The following PLXNA4 variants were observed in gnomAD, a reference collection of about 807,000 sequenced individuals.
The protein encoded by PLXNA4 is plexin A4, also known as plexin-A4.
A neutral mutation model predicts 191.8 loss-of-function variants in PLXNA4; 44 were observed. That is an observed-to-expected ratio of 0.23 (90% confidence interval 0.18 to 0.29). PLXNA4 has a LOEUF of 0.29. PLXNA4 is among the 10% of genes least tolerant of loss of function. PLXNA4 has a pLI of 1.00. For missense variants in PLXNA4, 1,800 were observed against 2,488.8 expected (o/e 0.72, Z 5.89); for synonymous variants, 1,082 against 1,009.5 (o/e 1.07, Z -1.36).
chr7:132,408,539 C>A lies in PLXNA4; in HGVS notation c.1371+80753G>T, dbSNP rs540862938. 2.3e-4 allele frequency among the ~76,000 whole-genome samples: 35 copies of A among 152,156 alleles called. No homozygotes were observed. In the South Asian group the frequency reaches 6.9e-3, roughly 30 times the overall value. ...AGTGCAGTGGTGCAATCTTGGCTCA[C>A]TGCAAACTCTACCACCCGGGTTCAA... On this transcript the variant is annotated intron_variant, in intron 3 of 31. Transcript: ENST00000321063.
At chr7:132,345,039 G>A (rs180673168) in intron 3 of PLXNA4, among the ~76,000 whole-genome samples, 51 of 152,226 alleles carry the variant, frequency 3.4e-4, no homozygotes, top group African/African-American at 8.9e-4. Flanking sequence ...GGTAGATGTC[G>A]GTGAAATGAA....
At chr7:132,447,111 C>T (rs1795940662) in intron 3 of PLXNA4, among the ~76,000 whole-genome samples, 1 of 151,780 alleles carries the variant, frequency 6.6e-6, no homozygotes, top group South Asian at 2.1e-4. Context: ...TCTGGCCCCG[C>T]TCCACTGCCT....
intron 2 of PLXNA4, among the ~76,000 whole-genome samples, chr7:132,499,526 C>G (rs1798162417): frequency 6.6e-6 from 1 of 152,174 alleles, no homozygotes; most frequent in Admixed American, 6.5e-5. Flanking sequence ...TCCCATGCCA[C>G]CAGTCCATCA....
chr7:132,560,055 G>T (rs1800971002), intron 1 of PLXNA4, among the ~76,000 whole-genome samples: 1 of 152,156 alleles, frequency 6.6e-6, no homozygotes, highest in South Asian at 2.1e-4. Flanking sequence ...CTACCTGCAG[G>T]CTTTGATTGT....
At chr7:132,202,521 G>A (rs1797472344) in intron 12 of PLXNA4, 125 bp downstream of exon 12, 2 of 1,047,530 alleles carry the variant, frequency 1.9e-6, no homozygotes, top group South Asian at 3.1e-5. Flanking sequence ...CAGCCAGGCA[G>A]AGCAACCAAG....
At chr7:132,278,947 G>T (rs1312162877) in intron 4 of PLXNA4, among the ~76,000 whole-genome samples, 4 of 152,192 alleles carry the variant, frequency 2.6e-5, no homozygotes, top group African/African-American at 9.6e-5. Context: ...AGAGGCCACT[G>T]CAAAGGGAGG....
intron 25 of PLXNA4, 130 bp downstream of exon 25, chr7:132,159,343 G>C: frequency 6.9e-7 from 1 of 1,453,566 alleles, no homozygotes; most frequent in South Asian, 1.3e-5. Context: ...GTCCAGCCAT[G>C]CCTGACTCCC....
chr7:132,621,979 G>A (rs1803276603), intron 2 of PLXNA4, among the ~76,000 whole-genome samples: 1 of 152,026 alleles, frequency 6.6e-6, no homozygotes, highest in South Asian at 2.1e-4. Flanking sequence ...GTAGATAGTA[G>A]TAGCAGAGAC....
chr7:132,156,131 G>GACAT (rs1554374037), intron 25 of PLXNA4, among the ~76,000 whole-genome samples: 1 of 74,546 alleles, frequency 1.3e-5, no homozygotes, highest in Non-Finnish European at 2.5e-5. Flanking sequence ...TCTGTTTCTG[G>GACAT]ACATACACAC....
upstream of PLXNA4, among the ~76,000 whole-genome samples, chr7:132,578,446 C>T (rs1471563890): frequency 1.3e-5 from 2 of 152,214 alleles, no homozygotes; most frequent in Non-Finnish European, 2.9e-5. Context: ...CTGTCCCTCC[C>T]ATCGAAACAT....
chr7:132,412,848 G>A (rs184008889), intron 3 of PLXNA4, among the ~76,000 whole-genome samples: 21 of 152,230 alleles, frequency 1.4e-4, no homozygotes, highest in East Asian at 3.9e-4. Context: ...CTGGAGCACC[G>A]GGGAGGGACC....
intron 30 of PLXNA4, among the ~76,000 whole-genome samples, chr7:132,139,582 G>A (rs890284841): frequency 2.6e-5 from 4 of 152,188 alleles, no homozygotes; most frequent in African/African-American, 7.2e-5. Flanking sequence ...GGGTGACAAA[G>A]CCCATCATTC....
chr7:132,349,819 C>T (rs73434891), intron 3 of PLXNA4, among the ~76,000 whole-genome samples: 2,111 of 152,186 alleles, frequency 0.014, 63 homozygotes, highest in African/African-American at 0.048. Flanking sequence ...TGTATCTTGC[C>T]ATCAAATGCC....
intron 3 of PLXNA4, among the ~76,000 whole-genome samples, chr7:132,423,075 G>T (rs891789516): frequency 1.3e-5 from 2 of 152,142 alleles, no homozygotes; most frequent in Non-Finnish European, 2.9e-5. Flanking sequence ...CATGGAATTC[G>T]TTACACGACT....
chr7:132,394,807 C>T (rs1793680694), intron 3 of PLXNA4, among the ~76,000 whole-genome samples: 1 of 152,224 alleles, frequency 6.6e-6, no homozygotes, highest in South Asian at 2.1e-4. Context: ...CTGGTCCACC[C>T]ACTGCATGTG....
In PLXNA4 at chr7:132,221,127, C is replaced by T. The variant is rs529925770; in HGVS notation, c.2097+2400G>A. 2.7e-3 allele frequency among the ~76,000 whole-genome samples: 413 copies of T among 152,230 alleles called. 2 individuals are homozygous for T. The highest frequency in any genetic ancestry group is 0.018 in the South Asian group (86 of 4,814). On this transcript the variant is annotated intron_variant, in intron 9 of 31. Coordinates refer to ENST00000321063, the MANE Select transcript of PLXNA4 (RefSeq NM_020911.2). ...GCCTGCCAAAGTGCTGGTACTACCACGCCTGGCCTTATTTTATTCCCTTCT... is the reference window on the plus strand; with the variant it reads ...GCCTGCCAAAGTGCTGGTACTACCATGCCTGGCCTTATTTTATTCCCTTCT...
chr7:132,625,549 A>G (rs1803353754), intron 2 of PLXNA4, among the ~76,000 whole-genome samples: 1 of 152,188 alleles, frequency 6.6e-6, no homozygotes, highest in African/African-American at 2.4e-5. Context: ...CACAGAAAGC[A>G]GGTCTGAGAG....
chr7:132,621,348 C>T lies in PLXNA4; in HGVS notation c.-87+24580G>A, dbSNP rs541979867. ...CAATCTTGGCTCACTGCAACCTCCG[C>T]CTCCTTGGTTCAAGCGATTCTCCTG... On this transcript the variant is annotated intron_variant, in intron 2 of 4. Transcript: ENST00000378539. 5.9e-5 allele frequency among the ~76,000 whole-genome samples: 9 copies of T among 151,380 alleles called. No individual in the cohort carries two copies. In the South Asian group the frequency reaches 1.7e-3, roughly 28 times the overall value.
intron 3 of PLXNA4, among the ~76,000 whole-genome samples, chr7:132,473,664 C>A (rs142819225): frequency 2.0e-5 from 3 of 152,000 alleles, no homozygotes; most frequent in Admixed American, 6.6e-5. Context: ...AATATTGTCA[C>A]GTTAAAAAGG....
Sources: gnomAD v4.1 joint callset for allele counts (sites outside exome capture counted in the v4.1 genomes callset) on GRCh38, gnomAD v4.1.1 for gene constraint, MANE v1.5 for transcripts, NCBI Gene and HGNC (gene_info 2026-07-23, HGNC 2026-07-21) for gene names.